Variants in DYNC1H1 observed in about 807,000 individuals in gnomAD.
The protein encoded by DYNC1H1 is dynein cytoplasmic 1 heavy chain 1, also known as cytoplasmic dynein 1 heavy chain 1.
DYNC1H1 carries 51 observed loss-of-function variants against 527.1 expected under a neutral mutation model. The ratio of observed to expected loss-of-function variants is 0.10; its 90% confidence interval spans 0.08 to 0.12. DYNC1H1 has a LOEUF of 0.12. DYNC1H1 is among the 10% of genes least tolerant of loss of function. The pLI is 1.00. For synonymous variants in DYNC1H1, 2,189 were observed against 2,278.8 expected (o/e 0.96, Z 1.12); for missense variants, 2,771 against 5,971.8 (o/e 0.46, Z 17.66).
At position 102,039,791 on chromosome 14, in the gene DYNC1H1, A is replaced by G. The variant is rs1352014476; in HGVS notation, c.11690+59A>G. The stretch of plus-strand genomic sequence containing the variant: ...ATTGCTGGTGGCCCCCAAGGGTTTC[A>G]TGATCAGATACATGCTTTTATTATT... On this transcript the variant is annotated intron_variant, in intron 62 of 77. Transcript: ENST00000360184. This position sits in a 1 kb window ranked among gnomAD's most constrained non-coding sequence, Gnocchi z 7.0. 2.6e-6 allele frequency: 4 copies of G among 1,528,798 alleles called. No individual in the cohort carries two copies. The highest frequency in any genetic ancestry group is 1.1e-5 in the South Asian group (1 of 89,274). 94.7% of individuals were successfully genotyped at this position (1,528,798 alleles called of 1,614,324 possible).
At chr14:102,013,417 C>T (rs948747764) in intron 34 of DYNC1H1, among the ~76,000 whole-genome samples, 2 of 152,004 alleles carry the variant, frequency 1.3e-5, no homozygotes, top group East Asian at 1.9e-4. Context: ...TCCCTGAGAA[C>T]GTAGTTTGAG....
intron 23 of DYNC1H1, among the ~76,000 whole-genome samples, chr14:102,003,680 A>G (rs2048158535): frequency 6.6e-6 from 1 of 152,206 alleles, no homozygotes; most frequent in Non-Finnish European, 1.5e-5. Flanking sequence ...CTGTAATCCC[A>G]GCACTTTGGG....
chr14:101,980,217 A>G (rs2047847580), intron 4 of DYNC1H1, 147 bp from the exon 5 acceptor site: 3 of 1,173,218 alleles, frequency 2.6e-6, no homozygotes, highest in African/African-American at 1.5e-5. Flanking sequence ...TATACCTTTG[A>G]TTTCAAATCA....
In DYNC1H1 at chr14:102,027,240, G is replaced by A. The variant is rs147427595; in HGVS notation, c.8838G>A (p.Leu2946=). The part of the protein sequence containing the change: ...IGVSGAGKTT[L]SRFVAWMNGL... ...TTAGTGGAGCAGGAAAAACTACCCTGTCTCGTTTCGTCGCCTGGATGAACG... is the reference window on the plus strand; with the variant it reads ...TTAGTGGAGCAGGAAAAACTACCCTATCTCGTTTCGTCGCCTGGATGAACG... The change falls in exon 45 of 78, where the codon CTG becomes CTA. Residue 2946 remains leucine, a synonymous_variant. Transcript: ENST00000360184. The surrounding 1 kb of genome is among the most constrained non-coding windows in gnomAD (Gnocchi z 7.7). 10 of 1,614,066 alleles carry A rather than the reference G, an allele frequency of 6.2e-6. No homozygotes were observed. Among genetic ancestry groups the A allele is most frequent in the Non-Finnish European group, 7.6e-6 (9 of 1,179,994 alleles).
intron 72 of DYNC1H1, among the ~76,000 whole-genome samples, chr14:102,046,975 G>A (rs986564161): frequency 1.6e-4 from 24 of 152,026 alleles, no homozygotes; most frequent in African/African-American, 5.6e-4. Flanking sequence ...CTAATTTTTT[G>A]TAGAGATGAG....
At chr14:101,974,821 C>G (rs890842148) in intron 1 of DYNC1H1, among the ~76,000 whole-genome samples, 1 of 152,198 alleles carries the variant, frequency 6.6e-6, no homozygotes, top group African/African-American at 2.4e-5. Flanking sequence ...ACGTAAGCCA[C>G]CAGCCCGGCC....
At position 102,030,286 on chromosome 14, in the gene DYNC1H1, T is replaced by C; in HGVS notation, c.9883+4T>C. 1.9e-6 allele frequency: 3 copies of C among 1,614,022 alleles called. No homozygotes were observed. Among genetic ancestry groups the C allele is most frequent in the African/African-American group, 1.3e-5 (1 of 75,024 alleles). On this transcript the variant is annotated splice_donor_region_variant and intron_variant, in intron 51 of 77. Coordinates refer to ENST00000360184, the MANE Select transcript of DYNC1H1 (RefSeq NM_001376.5). The stretch of plus-strand genomic sequence containing the variant: ...GCCGTCATTGAGGCCCAGAATGGTA[T>C]GTAAAGACTGTCAGAGCTTTGATGT...
chr14:102,009,852 C>T lies in DYNC1H1; in HGVS notation c.5987C>T (p.Pro1996Leu). ...ATCATCTCATTCTCAGCCTCTGCCC[C>T]CATTACTTGTGAGCTGCTGAACAAA... ...SNPNYDKTSA[P>L]ITCELLNKQV... The change falls in exon 30 of 78, where the codon CCC becomes CTC. Residue 1996 changes from proline to leucine, a missense_variant. Physicochemically the swap from Pro to Leu is moderately conservative, Grantham distance 98. This residue lies in a region of DYNC1H1 where 39 missense variants were observed against 38.8 expected (regional missense o/e 1.00). Transcript: ENST00000360184. 1.2e-6 allele frequency: 2 copies of T among 1,614,108 alleles called. No homozygotes were observed. The highest frequency in any genetic ancestry group is 8.5e-7 in the Non-Finnish European group (1 of 1,180,032).
At chr14:101,993,238 A>C (rs2048019004) in intron 11 of DYNC1H1, among the ~76,000 whole-genome samples, 1 of 151,724 alleles carries the variant, frequency 6.6e-6, no homozygotes, top group East Asian at 1.9e-4. Context: ...GAGCTGTTTC[A>C]CTGGCACCAC....
Position 102,015,468 on chromosome 14 carries a change from G to T in DYNC1H1, c.7242+136G>T. ...ACCTGCCTTGGCCTCTCAAAGTGCT[G>T]GGATTACAGGCATGAGTCACTGTAC... On this transcript the variant is annotated intron_variant, in intron 35 of 77. Coordinates refer to ENST00000360184, the MANE Select transcript of DYNC1H1 (RefSeq NM_001376.5). This position sits in a 1 kb window ranked among gnomAD's most constrained non-coding sequence, Gnocchi z 6.9. 1 of 1,034,396 alleles carries T rather than the reference G, an allele frequency of 9.7e-7. No homozygotes were observed. 64.1% of individuals were successfully genotyped at this position (1,034,396 alleles called of 1,614,324 possible). A position where few individuals can be genotyped will look rare whatever the true frequency, so the allele number is the denominator to read the frequency against.
chr14:102,039,251 G>C lies in DYNC1H1; in HGVS notation c.11457G>C (p.Lys3819Asn), dbSNP rs756719644. ...SSIYFTMESL[K>N]QIHFLYQYSL... is the part of the protein sequence containing the mutation. Reference sequence around the variant, plus strand: ...TCTACTTCACCATGGAGTCCCTCAAGCAGGTGGGTGCCTTGGCCATGCAGA... The same window carrying C: ...TCTACTTCACCATGGAGTCCCTCAACCAGGTGGGTGCCTTGGCCATGCAGA... Residue 3819 changes from lysine (K) to asparagine (N), a missense_variant, in exon 60 of 78, where the codon AAG becomes AAC. Around this residue, in one of 32 missense-constraint regions of DYNC1H1, gnomAD observed 283 missense variants for 737.6 expected, o/e 0.38. Coordinates refer to ENST00000360184, the MANE Select transcript of DYNC1H1 (RefSeq NM_001376.5). The surrounding 1 kb of genome is among the most constrained non-coding windows in gnomAD (Gnocchi z 7.0). 19 of 1,613,268 alleles carry C rather than the reference G, an allele frequency of 1.2e-5. No individual in the cohort carries two copies. Among genetic ancestry groups the C allele is most frequent in the Non-Finnish European group, 1.6e-5 (19 of 1,180,032 alleles).
In DYNC1H1 at chr14:102,029,425, G is replaced by T; in HGVS notation, c.9469-114G>T. 1.4e-6 allele frequency: 2 copies of T among 1,411,168 alleles called. No individual in the cohort carries two copies. Among genetic ancestry groups the T allele is most frequent in the East Asian group, 4.9e-5 (2 of 40,948 alleles). The allele number at this position is 1,411,168 out of a possible 1,614,324, so 87.4% of individuals were successfully genotyped here. ...GGCCCGACTCGAGTGTTCTGGCCCC[G>T]AGGGCCAGGCTCCTTCTATCATGTC... On this transcript the variant is annotated intron_variant, in intron 48 of 77. Transcript: ENST00000360184. The surrounding 1 kb of genome is among the most constrained non-coding windows in gnomAD (Gnocchi z 5.3).
chr14:102,014,978 G>T, intron 34 of DYNC1H1, 127 bp from the exon 35 acceptor site: 1 of 1,085,098 alleles, frequency 9.2e-7, no homozygotes, highest in Non-Finnish European at 1.4e-6. Flanking sequence ...ACCATGCCTG[G>T]CTACTTTCTG....
Position 102,032,978 on chromosome 14 carries a change from G to C in DYNC1H1, c.10080-87G>C, listed in dbSNP as rs1284224187. The C allele has an allele frequency of 5.1e-6, 7 of 1,361,168 alleles. No individual in the cohort carries two copies. In the South Asian group the frequency reaches 7.1e-5, roughly 14 times the overall value. The allele number at this position is 1,361,168 out of a possible 1,614,324, so 84.3% of individuals were successfully genotyped here. A position where few individuals can be genotyped will look rare whatever the true frequency, so the allele number is the denominator to read the frequency against. ...CACTGGGGCAATGAGATGGGAGCTGGCTCTGGTCTCTTCCATTTTAATTTT... is the reference window on the plus strand; with the variant it reads ...CACTGGGGCAATGAGATGGGAGCTGCCTCTGGTCTCTTCCATTTTAATTTT... On this transcript the variant is annotated intron_variant, in intron 52 of 77. Coordinates refer to ENST00000360184, the MANE Select transcript of DYNC1H1 (RefSeq NM_001376.5).
In DYNC1H1 at chr14:102,044,843, A is replaced by G; in HGVS notation, c.13006+145A>G. The G allele has an allele frequency of 5.3e-6, 5 of 941,960 alleles. No homozygotes were observed. Among genetic ancestry groups the G allele is most frequent in the Non-Finnish European group, 8.1e-6 (5 of 619,172 alleles). The allele number at this position is 941,960 out of a possible 1,614,324, so 58.4% of individuals were successfully genotyped here. ...TGGTTATGCTGGGTGTGGCTCTGTC[A>G]GCCTCGGCCTTCCTGCCAGTCTCCA... On this transcript the variant is annotated intron_variant, in intron 72 of 77. Coordinates refer to ENST00000360184, the MANE Select transcript of DYNC1H1 (RefSeq NM_001376.5). The surrounding 1 kb of genome is among the most constrained non-coding windows in gnomAD (Gnocchi z 7.1).
chr14:102,047,891 G>A lies in DYNC1H1; in HGVS notation c.13081G>A (p.Glu4361Lys), dbSNP rs2048748703. ...GGACGACCTGGCCTACGCAGAGACT[G>A]AGAAGAAGACGAGGACAGACTCCAC... ...DEDDLAYAET[E>K]KKTRTDSTSD... is the part of the protein sequence containing the mutation. The change falls in exon 73 of 78, where the codon GAG (glutamate) becomes AAG (lysine). Residue 4361 changes from glutamate to lysine, a missense_variant. Glu to Lys is a moderately conservative substitution (Grantham distance 56). Transcript: ENST00000360184. 6.2e-7 allele frequency: 1 copy of A among 1,613,696 alleles called. No homozygotes were observed. The highest frequency in any genetic ancestry group is 8.5e-7 in the Non-Finnish European group (1 of 1,179,988).
rs528052997 is a variant in DYNC1H1, at chr14:102,002,769, G to T, written c.4710-23G>T. 3.1e-6 allele frequency: 5 copies of T among 1,614,102 alleles called. No individual in the cohort carries two copies. The South Asian group carries it at 3.3e-5, about 11-fold the overall frequency. On this transcript the variant is annotated intron_variant, in intron 22 of 77. Coordinates refer to ENST00000360184, the MANE Select transcript of DYNC1H1 (RefSeq NM_001376.5). The surrounding 1 kb of genome is among the most constrained non-coding windows in gnomAD (Gnocchi z 4.4). ...GTGACTACTCTACACAAAGGCTGAC[G>T]CATGTTTTAATTTCATTTGTAGCAT...
At chr14:102,040,745 C>CA (rs1480811568) in intron 64 of DYNC1H1, 72 bp downstream of exon 64, 9 of 1,542,240 alleles carry the variant, frequency 5.8e-6, no homozygotes, top group South Asian at 1.1e-5. Context: ...GGGATGCTTT[C>CA]AAAAAACACA....
At position 102,015,209 on chromosome 14, in the gene DYNC1H1, G is replaced by A; in HGVS notation, c.7119G>A (p.Met2373Ile). The change falls in exon 35 of 78, where the codon ATG (methionine) becomes ATA (isoleucine). Residue 2373 changes from methionine to isoleucine, a missense_variant. This residue lies in a region of DYNC1H1 where 122 missense variants were observed against 168.4 expected (regional missense o/e 0.72). Coordinates refer to ENST00000360184, the MANE Select transcript of DYNC1H1 (RefSeq NM_001376.5). This position sits in a 1 kb window ranked among gnomAD's most constrained non-coding sequence, Gnocchi z 6.9. ...GTGAGGATGTGCTGAGCACCGACATGATCTTCAACAACTTCCTGGCCAGGC... is the reference window on the plus strand; with the variant it reads ...GTGAGGATGTGCTGAGCACCGACATAATCTTCAACAACTTCCTGGCCAGGC... ...WFSEDVLSTD[M>I]IFNNFLARLR... 6.2e-7 allele frequency: 1 copy of A among 1,614,234 alleles called. No individual in the cohort carries two copies. Among genetic ancestry groups the A allele is most frequent in the African/African-American group, 1.3e-5 (1 of 75,056 alleles).
Sources: gnomAD v4.1 joint callset for allele counts (sites outside exome capture counted in the v4.1 genomes callset) on GRCh38, gnomAD v4.1.1 for gene constraint, gnomAD v4.1.1 regional missense constraint, Gnocchi (gnomAD v3.1) non-coding constraint, MANE v1.5 for transcripts, NCBI Gene and HGNC (gene_info 2026-07-23, HGNC 2026-07-21) for gene names.